SYNPR: variants seen among roughly 807,000 people sequenced by gnomAD.
The protein encoded by SYNPR is synaptoporin.
In SYNPR, 23 loss-of-function variants were observed where a neutral mutation model predicts 32.9. The ratio of observed to expected loss-of-function variants is 0.70; its 90% CI spans 0.50 to 0.99. The LOEUF (loss-of-function observed/expected upper bound fraction) is 0.99. SYNPR is among the 50% of genes least tolerant of loss of function. SYNPR has a pLI of 0.00. For missense variants in SYNPR, 318 were observed against 349.3 expected (o/e 0.91, Z 0.71); for synonymous variants, 146 against 135.9 (o/e 1.07, Z -0.52).
At chr3:63,325,882 C>T (rs1020886283) in intron 2 of SYNPR, among the ~76,000 whole-genome samples, 4 of 151,960 alleles carry the variant, frequency 2.6e-5, no homozygotes, top group African/African-American at 9.7e-5. Flanking sequence ...CTTTGGGTAC[C>T]TCATCTCCAC....
chr3:63,394,648 A>G (rs1295698702), intron 2 of SYNPR, among the ~76,000 whole-genome samples: 1 of 152,182 alleles, frequency 6.6e-6, no homozygotes, highest in African/African-American at 2.4e-5. Flanking sequence ...TGCTCCCCAG[A>G]TATCCCTAAG....
chr3:63,437,496 G>A (rs1700105377), intron 2 of SYNPR, among the ~76,000 whole-genome samples: 1 of 151,766 alleles, frequency 6.6e-6, no homozygotes, highest in African/African-American at 2.4e-5. Flanking sequence ...GTTTTTTGAA[G>A]GGGCAAATTG....
At chr3:63,380,187 G>A (rs551067707) in intron 2 of SYNPR, among the ~76,000 whole-genome samples, 6 of 152,104 alleles carry the variant, frequency 3.9e-5, no homozygotes, top group South Asian at 2.1e-4. Flanking sequence ...ATTTATAATC[G>A]TTTGGGTATA....
chr3:63,334,515 AGTGTGTGTGTGTGT>A (rs138498529), intron 2 of SYNPR, among the ~76,000 whole-genome samples: 37,177 of 149,230 alleles, frequency 0.25, 5,275 homozygotes, highest in Non-Finnish European at 0.33. Flanking sequence ...GTCTCAATGA[AGTGTGTGTGTGTGT>A]GTGTGTGTGT....
chr3:63,370,659 T>C (rs1037429565), intron 2 of SYNPR, among the ~76,000 whole-genome samples: 1 of 152,198 alleles, frequency 6.6e-6, no homozygotes, highest in Non-Finnish European at 1.5e-5. Flanking sequence ...GCATAATTTC[T>C]AGATGGATCT....
intron 3 of SYNPR, among the ~76,000 whole-genome samples, chr3:63,271,424 A>G (rs1416464854): frequency 3.3e-5 from 5 of 152,200 alleles, no homozygotes; most frequent in Admixed American, 6.5e-5. Flanking sequence ...ATTGCTGAGC[A>G]GGGTAAGGTT....
upstream of SYNPR, among the ~76,000 whole-genome samples, chr3:63,223,505 G>A (rs904132505): frequency 6.6e-6 from 1 of 151,934 alleles, no homozygotes; most frequent in Non-Finnish European, 1.5e-5. Flanking sequence ...ATGATTTGTG[G>A]CAGCCACAAT....
At chr3:63,204,646 C>G in the SYNPR span, among the ~76,000 whole-genome samples, 1 of 152,104 alleles carries the variant, frequency 6.6e-6, no homozygotes, top group Non-Finnish European at 1.5e-5. Flanking sequence ...TTCGCTACCA[C>G]AGCCTCACCT....
At chr3:63,546,690 AAAT>A (rs1318002197) in intron 3 of SYNPR, among the ~76,000 whole-genome samples, 8 of 149,870 alleles carry the variant, frequency 5.3e-5, no homozygotes, top group African/African-American at 2.0e-4. Context: ...AGAGGACAAA[AAAT>A]AATGAAAATT....
chr3:63,249,008 A>G (rs1200999073), intron 1 of SYNPR, among the ~76,000 whole-genome samples: 1 of 152,132 alleles, frequency 6.6e-6, no homozygotes, highest in African/African-American at 2.4e-5. Flanking sequence ...CAAATGAAGG[A>G]GAAACTGGGA....
intron 4 of SYNPR, among the ~76,000 whole-genome samples, chr3:63,600,321 T>G (rs1252790258): frequency 4.6e-5 from 7 of 152,182 alleles, no homozygotes. Flanking sequence ...TACATCATGC[T>G]CTGTGCCAGG....
intron 2 of SYNPR, among the ~76,000 whole-genome samples, chr3:63,450,063 T>A (rs1700350355): frequency 1.3e-5 from 2 of 152,198 alleles, no homozygotes; most frequent in South Asian, 4.1e-4. Flanking sequence ...AGCAGTTCAA[T>A]AAGGGCAGCA....
chr3:63,222,138 A>T, the SYNPR span, among the ~76,000 whole-genome samples: 2 of 150,842 alleles, frequency 1.3e-5, no homozygotes, highest in Non-Finnish European at 2.9e-5. Flanking sequence ...TAAGCAACAC[A>T]TTCTTCCTGA....
intron 4 of SYNPR, among the ~76,000 whole-genome samples, chr3:63,586,299 G>A (rs917929890): frequency 2.0e-5 from 3 of 151,602 alleles, no homozygotes; most frequent in Non-Finnish European, 2.9e-5. Context: ...AAAAATTGGT[G>A]GGAGCAAGTG....
At chr3:63,293,272 G>A (rs149253670) in intron 2 of SYNPR, among the ~76,000 whole-genome samples, 120 of 152,288 alleles carry the variant, frequency 7.9e-4, no homozygotes, top group African/African-American at 2.3e-3. Flanking sequence ...CCTTTCCCAT[G>A]TCTGCTTTGC....
chr3:63,232,907 G>A (rs574948290), intron 1 of SYNPR, among the ~76,000 whole-genome samples: 5 of 152,230 alleles, frequency 3.3e-5, no homozygotes, highest in South Asian at 4.1e-4. Context: ...TTAAAAAATC[G>A]TATTAAAAAT....
intron 2 of SYNPR, among the ~76,000 whole-genome samples, chr3:63,395,475 G>T (rs1185508234): frequency 6.6e-6 from 1 of 152,136 alleles, no homozygotes; most frequent in Non-Finnish European, 1.5e-5. Flanking sequence ...ACTGTGCTAA[G>T]CACTTTATAC....
the SYNPR span, among the ~76,000 whole-genome samples, chr3:63,218,831 G>T: frequency 1.3e-5 from 2 of 152,200 alleles, no homozygotes; most frequent in Non-Finnish European, 2.9e-5. Context: ...ATTATGTTAA[G>T]ATTGGTTCTG....
intron 3 of SYNPR, among the ~76,000 whole-genome samples, chr3:63,504,219 T>C (rs1276318405): frequency 6.6e-6 from 1 of 152,160 alleles, no homozygotes; most frequent in East Asian, 1.9e-4. Context: ...CTTTTGGGAA[T>C]ATTATAAAAT....
Sources: allele counts gnomAD v4.1 joint callset (sites outside exome capture counted in the v4.1 genomes callset), GRCh38; gene constraint gnomAD v4.1.1; transcripts MANE v1.5; gene names NCBI Gene and HGNC (gene_info 2026-07-23, HGNC 2026-07-21).